ZNF385D: variants seen among roughly 807,000 people sequenced by gnomAD.
ZNF385D encodes zinc finger protein 659.
Under a neutral mutation model 35.8 loss-of-function variants are expected in ZNF385D, and 15 were observed. The ratio of observed to expected loss-of-function variants is 0.42; its 90% CI spans 0.28 to 0.64. ZNF385D has a LOEUF of 0.64. Among genes scored for constraint, ZNF385D ranks in the 30% least tolerant of loss-of-function variants. The pLI, the probability that ZNF385D is intolerant of heterozygous loss-of-function variation, is 0.23. For missense variants in ZNF385D, 474 were observed against 494.6 expected (o/e 0.96, Z 0.39); for synonymous variants, 212 against 186.8 (o/e 1.13, Z -1.10).
At chr3:21,975,806 T>C (rs1274589854) in intron 3 of ZNF385D, among the ~76,000 whole-genome samples, 1 of 144,476 alleles carries the variant, frequency 6.9e-6, no homozygotes, top group East Asian at 2.0e-4. Flanking sequence ...AACTACTATG[T>C]ACCCATGAAA....
chr3:22,139,859 T>C (rs1332554998), intron 3 of ZNF385D, among the ~76,000 whole-genome samples: 1 of 152,086 alleles, frequency 6.6e-6, no homozygotes, highest in Non-Finnish European at 1.5e-5. Flanking sequence ...ATTCGTTATT[T>C]GGAAAATGTA....
At chr3:22,333,471 T>C (rs888933168) in intron 2 of ZNF385D, among the ~76,000 whole-genome samples, 5 of 152,124 alleles carry the variant, frequency 3.3e-5, no homozygotes, top group African/African-American at 1.2e-4. Flanking sequence ...TTTTCTATCT[T>C]TTTTTCTCTC....
In ZNF385D at chr3:21,666,088, C is replaced by T. The variant is rs543915616; in HGVS notation, c.23-1060G>A. ...TGCGCCACTTACTTGCCTGCCATCTCGTTTTTAAAAACAAAGTAGAGTGAG... is the reference window on the plus strand; with the variant it reads ...TGCGCCACTTACTTGCCTGCCATCTTGTTTTTAAAAACAAAGTAGAGTGAG... On this transcript the variant is annotated intron_variant, in intron 1 of 7. Transcript: ENST00000281523. Among the ~76,000 whole-genome samples the T allele has an allele frequency of 1.8e-4, 28 of 152,274 alleles. No homozygotes were observed. The South Asian group carries it at 3.3e-3, about 18-fold the overall frequency.
intron 2 of ZNF385D, among the ~76,000 whole-genome samples, chr3:22,344,453 G>C (rs1270353715): frequency 2.0e-5 from 3 of 152,116 alleles, no homozygotes; most frequent in African/African-American, 7.2e-5. Flanking sequence ...GCAGTGATGT[G>C]ATCACAGCTC....
intron 2 of ZNF385D, among the ~76,000 whole-genome samples, chr3:22,231,692 G>T (rs1483380387): frequency 6.6e-6 from 1 of 152,002 alleles, no homozygotes; most frequent in Non-Finnish European, 1.5e-5. Flanking sequence ...AGGTAGATGG[G>T]TCCCAATCCT....
At chr3:21,677,360 A>T (rs1346411687) in intron 1 of ZNF385D, among the ~76,000 whole-genome samples, 1 of 152,044 alleles carries the variant, frequency 6.6e-6, no homozygotes, top group East Asian at 1.9e-4. Context: ...TGCAGCCTAA[A>T]TATACAAATC....
chr3:21,582,439 A>C (rs913145944), intron 2 of ZNF385D, among the ~76,000 whole-genome samples: 2 of 152,216 alleles, frequency 1.3e-5, no homozygotes, highest in African/African-American at 4.8e-5. Flanking sequence ...AAATTGCTAA[A>C]GCACTAGTTC....
At chr3:21,995,462 G>A (rs901391158) in intron 3 of ZNF385D, among the ~76,000 whole-genome samples, 3 of 152,096 alleles carry the variant, frequency 2.0e-5, no homozygotes, top group African/African-American at 7.2e-5. Context: ...CTGGCAGGCT[G>A]AGCTGACCCA....
intron 3 of ZNF385D, among the ~76,000 whole-genome samples, chr3:21,915,811 G>A (rs568487788): frequency 6.6e-6 from 1 of 152,210 alleles, no homozygotes; most frequent in Admixed American, 6.5e-5. Context: ...TGGGATTCAA[G>A]GCAAACTGAG....
intron 2 of ZNF385D, among the ~76,000 whole-genome samples, chr3:22,355,655 C>A (rs1037849546): frequency 6.6e-6 from 1 of 151,912 alleles, no homozygotes. Flanking sequence ...AAAAGATCCT[C>A]TGTTAAAAAA....
At chr3:21,867,592 T>A (rs1267718342) in intron 3 of ZNF385D, among the ~76,000 whole-genome samples, 2 of 152,210 alleles carry the variant, frequency 1.3e-5, no homozygotes, top group South Asian at 2.1e-4. Flanking sequence ...TATTTATGTT[T>A]ACATTTCTAG....
At chr3:21,601,393 C>A (rs1382750013) in intron 2 of ZNF385D, among the ~76,000 whole-genome samples, 1 of 152,152 alleles carries the variant, frequency 6.6e-6, no homozygotes, top group Non-Finnish European at 1.5e-5. Context: ...TGAACACTTC[C>A]AATTGATTAG....
At chr3:22,313,013 C>T (rs1016664725) in intron 2 of ZNF385D, among the ~76,000 whole-genome samples, 9 of 150,942 alleles carry the variant, frequency 6.0e-5, no homozygotes, top group Non-Finnish European at 1.0e-4. Flanking sequence ...AAATGTCCAA[C>T]GATAGACTGG....
chr3:22,068,392 T>G (rs1295818766), intron 3 of ZNF385D, among the ~76,000 whole-genome samples: 2 of 152,236 alleles, frequency 1.3e-5, no homozygotes, highest in East Asian at 3.8e-4. Context: ...GATACTGTCC[T>G]TAAGTCCTAT....
chr3:22,129,803 T>C (rs1703666970), intron 3 of ZNF385D, among the ~76,000 whole-genome samples: 1 of 152,118 alleles, frequency 6.6e-6, no homozygotes, highest in South Asian at 2.1e-4. Context: ...TTTAGGAGTC[T>C]GAGTGGTGCT....
intron 1 of ZNF385D, among the ~76,000 whole-genome samples, chr3:21,749,968 C>T (rs564228470): frequency 5.2e-5 from 6 of 115,668 alleles, no homozygotes; most frequent in South Asian, 3.0e-4. Flanking sequence ...GATACATTTC[C>T]TAGCCCCTCT....
chr3:21,648,808 T>C (rs1228243791), intron 2 of ZNF385D, among the ~76,000 whole-genome samples: 4 of 152,202 alleles, frequency 2.6e-5, no homozygotes, highest in Admixed American at 2.6e-4. Flanking sequence ...TAAGGCTAGG[T>C]GTGTTCCAAC....
intron 1 of ZNF385D, among the ~76,000 whole-genome samples, chr3:21,707,509 T>C (rs903361985): frequency 2.0e-5 from 3 of 152,184 alleles, no homozygotes; most frequent in Non-Finnish European, 4.4e-5. Flanking sequence ...ACATTGTGAG[T>C]GCTTCTTTGT....
At chr3:22,099,468 C>T (rs919048275) in intron 3 of ZNF385D, among the ~76,000 whole-genome samples, 1 of 152,004 alleles carries the variant, frequency 6.6e-6, no homozygotes, top group Non-Finnish European at 1.5e-5. Context: ...TCCAGCTTGT[C>T]TCAAAGTCTT....
Sources: allele counts gnomAD v4.1 joint callset (sites outside exome capture counted in the v4.1 genomes callset), GRCh38; gene constraint gnomAD v4.1.1; transcripts MANE v1.5; gene names NCBI Gene and HGNC (gene_info 2026-07-23, HGNC 2026-07-21).